Variants in ASTN2 observed in about 807,000 individuals in gnomAD.
ASTN2 encodes astrotactin-2.
A neutral mutation model predicts 139.8 loss-of-function variants in ASTN2; 54 were observed. That is an observed-to-expected ratio of 0.39 (90% CI 0.31 to 0.48). ASTN2 has a LOEUF of 0.48. ASTN2 is among the 20% of genes least tolerant of loss of function. The pLI is 0.95. For missense variants in ASTN2, 1,565 were observed against 1,725.1 expected (o/e 0.91, Z 1.64); for synonymous variants, 756 against 719.5 (o/e 1.05, Z -0.81).
At chr9:116,920,122 T>C (rs557807995) in intron 10 of ASTN2, among the ~76,000 whole-genome samples, 12 of 152,222 alleles carry the variant, frequency 7.9e-5, no homozygotes, top group African/African-American at 2.4e-4. Context: ...TTGGATTAGA[T>C]GCTCTCTAAA....
intron 10 of ASTN2, among the ~76,000 whole-genome samples, chr9:116,870,258 C>T (rs1325629954): frequency 6.6e-6 from 1 of 152,150 alleles, no homozygotes; most frequent in Admixed American, 6.5e-5. Flanking sequence ...GGTCCAACTC[C>T]ACATTCTTTC....
chr9:116,940,657 A>G (rs1168283397), intron 10 of ASTN2, among the ~76,000 whole-genome samples: 1 of 152,228 alleles, frequency 6.6e-6, no homozygotes, highest in African/African-American at 2.4e-5. Context: ...AAGAAATAAA[A>G]CATAAAGTTT....
chr9:116,705,715 A>ATGT (rs1827972083), intron 16 of ASTN2, among the ~76,000 whole-genome samples: 1 of 151,922 alleles, frequency 6.6e-6, no homozygotes, highest in Admixed American at 6.6e-5. Context: ...GGCTGCAGAG[A>ATGT]TAAGGTATGT....
chr9:117,203,645 C>T (rs1831809096), intron 3 of ASTN2, among the ~76,000 whole-genome samples: 2 of 152,036 alleles, frequency 1.3e-5, no homozygotes, highest in Admixed American at 6.6e-5. Context: ...TGGGAGTTCA[C>T]TTCAGGCCCC....
At chr9:116,638,211 A>G (rs543457321) in intron 17 of ASTN2, among the ~76,000 whole-genome samples, 3 of 152,364 alleles carry the variant, frequency 2.0e-5, no homozygotes, top group African/African-American at 7.2e-5. Context: ...TAGCAAAAAT[A>G]TGATAAGTAA....
chr9:117,183,724 C>T (rs76549525), intron 3 of ASTN2, among the ~76,000 whole-genome samples: 1 of 152,172 alleles, frequency 6.6e-6, no homozygotes, highest in African/African-American at 2.4e-5. Context: ...GCTTAGATAC[C>T]TTGGTTGAAG....
chr9:116,895,163 C>A (rs1482250719), intron 10 of ASTN2, among the ~76,000 whole-genome samples: 1 of 152,134 alleles, frequency 6.6e-6, no homozygotes. Flanking sequence ...AATTCCATAC[C>A]TTTTCTTTCT....
intron 14 of ASTN2, among the ~76,000 whole-genome samples, chr9:116,732,965 G>A (rs756484159): frequency 2.0e-5 from 3 of 152,208 alleles, no homozygotes; most frequent in African/African-American, 2.4e-5. Context: ...TGTGTAACTC[G>A]AGTGCTTTCA....
At chr9:117,165,492 C>A (rs1164864016) in intron 3 of ASTN2, among the ~76,000 whole-genome samples, 1 of 152,060 alleles carries the variant, frequency 6.6e-6, no homozygotes, top group Non-Finnish European at 1.5e-5. Flanking sequence ...TACCTCTAAA[C>A]TGCGGCTCCT....
At chr9:116,620,494 T>C (rs370471362) in intron 17 of ASTN2, 51 bp from the exon 18 acceptor site, 14 of 1,609,882 alleles carry the variant, frequency 8.7e-6, no homozygotes, top group East Asian at 4.5e-5. Flanking sequence ...AGGGGAGAGA[T>C]TGAGAGTAAA....
chr9:116,448,594 G>A (rs955886503), intron 20 of ASTN2, among the ~76,000 whole-genome samples: 2 of 152,150 alleles, frequency 1.3e-5, no homozygotes, highest in South Asian at 4.1e-4. Flanking sequence ...TTACAAATAA[G>A]ACTGTTCTGG....
intron 2 of ASTN2, 119 bp from the exon 3 acceptor site, chr9:117,214,861 AGG>A: frequency 8.6e-7 from 1 of 1,166,354 alleles, no homozygotes; most frequent in Non-Finnish European, 1.1e-6. Flanking sequence ...ATAGAGCCTC[AGG>A]AACCACCAGC....
intron 10 of ASTN2, among the ~76,000 whole-genome samples, chr9:116,881,445 G>C (rs1021738905): frequency 3.3e-5 from 5 of 152,142 alleles, no homozygotes; most frequent in African/African-American, 1.2e-4. Flanking sequence ...GTATCTCACT[G>C]TGTGACCTCT....
intron 3 of ASTN2, among the ~76,000 whole-genome samples, chr9:117,172,345 T>A (rs896760677): frequency 6.6e-6 from 1 of 152,150 alleles, no homozygotes; most frequent in African/African-American, 2.4e-5. Context: ...TCATTAATTT[T>A]AATTTCAAAG....
intron 5 of ASTN2, among the ~76,000 whole-genome samples, chr9:117,076,278 G>A (rs865956732): frequency 1.3e-5 from 2 of 152,120 alleles, no homozygotes; most frequent in Non-Finnish European, 1.5e-5. Context: ...AGGGTGAAAA[G>A]GCAAGAGAAG....
intron 10 of ASTN2, among the ~76,000 whole-genome samples, chr9:116,963,000 T>A (rs1046808828): frequency 6.6e-6 from 1 of 152,172 alleles, no homozygotes; most frequent in Non-Finnish European, 1.5e-5. Flanking sequence ...TGCTTAGAAC[T>A]GGGAATACAA....
At chr9:117,309,660 G>C (rs143035262) in intron 1 of ASTN2, among the ~76,000 whole-genome samples, 1,821 of 152,268 alleles carry the variant, frequency 0.012, 34 homozygotes, top group Non-Finnish European at 0.012. Flanking sequence ...CTGAGGCCAA[G>C]AGAGGGAAAG....
At chr9:116,983,293 G>T (rs979031346) in intron 7 of ASTN2, among the ~76,000 whole-genome samples, 5 of 152,270 alleles carry the variant, frequency 3.3e-5, no homozygotes, top group African/African-American at 1.2e-4. Context: ...AAAAGTATGG[G>T]TTGGGCATAA....
intron 2 of ASTN2, among the ~76,000 whole-genome samples, chr9:117,250,084 A>C (rs1833495850): frequency 6.6e-6 from 1 of 152,180 alleles, no homozygotes; most frequent in South Asian, 2.1e-4. Flanking sequence ...GGACTTCTTA[A>C]TCCAGGTGGA....
Sources: gnomAD v4.1 joint callset for allele counts (sites outside exome capture counted in the v4.1 genomes callset) on GRCh38, gnomAD v4.1.1 for gene constraint, MANE v1.5 for transcripts, NCBI Gene and HGNC (gene_info 2026-07-23, HGNC 2026-07-21) for gene names.